ARID5B: variants seen among roughly 807,000 people sequenced by gnomAD.
ARID5B encodes the protein AT-rich interaction domain 5B, also known as AT-rich interactive domain-containing protein 5B.
A neutral mutation model predicts 97.2 loss-of-function variants in ARID5B; 13 were observed. The ratio of observed to expected loss-of-function variants is 0.13; its 90% CI spans 0.09 to 0.21. The LOEUF (loss-of-function observed/expected upper bound fraction) is 0.21. Among genes scored for constraint, ARID5B ranks in the 10% least tolerant of loss-of-function variants. The pLI is 1.00. For missense variants in ARID5B, 1,210 were observed against 1,465.3 expected (o/e 0.83, Z 2.84); for synonymous variants, 556 against 570.3 (o/e 0.97, Z 0.36).
chr10:62,027,782 C>T (rs1217014231), intron 4 of ARID5B, among the ~76,000 whole-genome samples: 1 of 152,070 alleles, frequency 6.6e-6, no homozygotes, highest in African/African-American at 2.4e-5. Flanking sequence ...TCAGTCTGGC[C>T]AATTTCTCCT....
intron 4 of ARID5B, among the ~76,000 whole-genome samples, chr10:62,027,911 G>A (rs1839442924): frequency 6.6e-6 from 1 of 152,114 alleles, no homozygotes; most frequent in Non-Finnish European, 1.5e-5. Context: ...CACTGATCCA[G>A]CTCACCTTGC....
intron 8 of ARID5B, among the ~76,000 whole-genome samples, chr10:62,083,502 C>T (rs959700986): frequency 3.3e-5 from 5 of 152,078 alleles, no homozygotes; most frequent in African/African-American, 7.2e-5. Flanking sequence ...TCTGCTTTCC[C>T]TCCTCCTCCT....
chr10:62,028,956 CAAA>C lies in ARID5B; in HGVS notation c.734-21916_734-21914del, dbSNP rs60831618. ...TGGGCAACAGAGCAAGACTCTGTCT[CAAA>C]AAAAAAAAAAAAAAAGCTCATAGAA... is the stretch of plus-strand genomic sequence containing the variant. On this transcript the variant is annotated intron_variant, in intron 4 of 9. Transcript: ENST00000279873. 6.2e-3 allele frequency among the ~76,000 whole-genome samples: 592 copies of C among 95,388 alleles called. 5 individuals are homozygous for C. The highest frequency in any genetic ancestry group is 0.022 in the African/African-American group (533 of 24,186). The allele number at this position is 95,388 out of a possible 152,430, so 62.6% of individuals were successfully genotyped here.
intron 4 of ARID5B, among the ~76,000 whole-genome samples, chr10:62,018,616 C>T (rs868373963): frequency 4.7e-5 from 7 of 150,420 alleles, no homozygotes; most frequent in Non-Finnish European, 8.9e-5. Context: ...CCTCCCCCGC[C>T]CCCACCACTG....
At chr10:61,971,700 G>C (rs994526303) in intron 3 of ARID5B, among the ~76,000 whole-genome samples, 1 of 152,136 alleles carries the variant, frequency 6.6e-6, no homozygotes, top group Non-Finnish European at 1.5e-5. Context: ...TTTAACAAAG[G>C]TACCACACTA....
At chr10:61,928,141 G>T (rs191935038) in intron 2 of ARID5B, among the ~76,000 whole-genome samples, 2 of 152,196 alleles carry the variant, frequency 1.3e-5, no homozygotes, top group African/African-American at 4.8e-5. Context: ...TCTCTATTCT[G>T]GTAATCACTC....
chr10:61,989,095 A>G (rs982731259), intron 3 of ARID5B, among the ~76,000 whole-genome samples: 3 of 151,684 alleles, frequency 2.0e-5, no homozygotes, highest in Admixed American at 6.6e-5. Context: ...ATGCCTGGCT[A>G]ATTTTTTGTA....
intron 4 of ARID5B, among the ~76,000 whole-genome samples, chr10:62,016,430 T>A (rs1026532944): frequency 2.0e-5 from 3 of 152,232 alleles, no homozygotes; most frequent in Non-Finnish European, 2.9e-5. Context: ...GATTAACAAC[T>A]GTAAAATGCC....
intron 4 of ARID5B, among the ~76,000 whole-genome samples, chr10:62,025,668 A>G (rs766339603): frequency 3.9e-5 from 6 of 152,156 alleles, no homozygotes; most frequent in Non-Finnish European, 7.3e-5. Flanking sequence ...AATACAAATC[A>G]CTCTTGATCA....
In ARID5B at chr10:62,092,391, A is replaced by G. The variant is rs1199657443; in HGVS notation, c.2928A>G (p.Gly976=). The part of the protein sequence containing the change: ...KKYPESLSRS[G]KPHHVRLENF... ...ACCCTGAATCGCTTTCAAGATCAGG[A>G]AAACCTCACCATGTGAGACTGGAGA... The change falls in exon 10 of 10, where the codon GGA becomes GGG. Residue 976 remains glycine, a synonymous_variant. Transcript: ENST00000279873. 1.2e-6 allele frequency: 2 copies of G among 1,614,100 alleles called. No homozygotes were observed. Among genetic ancestry groups the G allele is most frequent in the Non-Finnish European group, 1.7e-6 (2 of 1,180,044 alleles).
At chr10:62,031,675 C>A (rs923793700) in intron 4 of ARID5B, among the ~76,000 whole-genome samples, 3 of 152,036 alleles carry the variant, frequency 2.0e-5, no homozygotes, top group Non-Finnish European at 4.4e-5. Flanking sequence ...TCAGCAAAGA[C>A]CCTAGCAGAA....
At position 61,991,804 on chromosome 10, in the gene ARID5B, C is replaced by T. The variant is rs148851869; in HGVS notation, c.503-8287C>T. ...CAGCACTTTGGGAGGCTGAGGTGGG[C>T]GGATCACCTGAAGTCGGGAGTTCGA... is the stretch of plus-strand genomic sequence containing the variant. On this transcript the variant is annotated intron_variant, in intron 3 of 9. Transcript: ENST00000279873. Among the ~76,000 whole-genome samples, 1,479 of 152,120 alleles carry T rather than the reference C, an allele frequency of 9.7e-3. 32 individuals are homozygous for T. The highest frequency in any genetic ancestry group is 0.034 in the African/African-American group (1,417 of 41,486).
At position 62,000,457 on chromosome 10, in the gene ARID5B, C is replaced by A; in HGVS notation, c.733+136C>A. The A allele has an allele frequency of 1.3e-6, 1 of 759,136 alleles. No individual in the cohort carries two copies. Among genetic ancestry groups the A allele is most frequent in the Admixed American group, 2.8e-5 (1 of 35,856 alleles). 47.0% of individuals were successfully genotyped at this position (759,136 alleles called of 1,614,324 possible). Reference sequence around the variant, plus strand: ...TGTGCTGCCCCACCCCTCCCATCCCCCAAATTATTGCGGCATAAGGCGTCA... The same window carrying A: ...TGTGCTGCCCCACCCCTCCCATCCCACAAATTATTGCGGCATAAGGCGTCA... On this transcript the variant is annotated intron_variant, in intron 4 of 9. Transcript: ENST00000279873. The surrounding 1 kb of genome is among the most constrained non-coding windows in gnomAD (Gnocchi z 4.4).
At chr10:62,063,086 G>C (rs556551311) in intron 7 of ARID5B, among the ~76,000 whole-genome samples, 1 of 152,148 alleles carries the variant, frequency 6.6e-6, no homozygotes, top group Non-Finnish European at 1.5e-5. Flanking sequence ...GCCTTTTGTA[G>C]CATCTTTTAG....
intron 5 of ARID5B, among the ~76,000 whole-genome samples, chr10:62,055,325 A>G (rs1223921301): frequency 5.9e-5 from 9 of 152,190 alleles, no homozygotes; most frequent in Admixed American, 5.9e-4. Flanking sequence ...GTGATGTTGT[A>G]CATGCTGCTC....
intron 3 of ARID5B, among the ~76,000 whole-genome samples, chr10:61,953,686 C>T (rs118071846): frequency 6.6e-6 from 1 of 152,156 alleles, no homozygotes. Context: ...GCCTTAAAAG[C>T]TTTCACTCTG....
chr10:61,929,753 T>C (rs1032126810), intron 2 of ARID5B, among the ~76,000 whole-genome samples: 2 of 152,200 alleles, frequency 1.3e-5, no homozygotes. Context: ...AATACTCATA[T>C]CCTGTAGTCA....
chr10:62,077,813 T>C (rs1174636917), intron 8 of ARID5B, among the ~76,000 whole-genome samples: 1 of 152,192 alleles, frequency 6.6e-6, no homozygotes, highest in Non-Finnish European at 1.5e-5. Flanking sequence ...AACTGTACTC[T>C]CAAGCATGCC....
intron 2 of ARID5B, among the ~76,000 whole-genome samples, chr10:61,915,668 T>A (rs1264260587): frequency 6.6e-6 from 1 of 152,188 alleles, no homozygotes; most frequent in Non-Finnish European, 1.5e-5. Context: ...CATTTGGCTA[T>A]GGAGATGGTT....
Sources: gnomAD v4.1 joint callset for allele counts (sites outside exome capture counted in the v4.1 genomes callset) on GRCh38, gnomAD v4.1.1 for gene constraint, Gnocchi (gnomAD v3.1) non-coding constraint, MANE v1.5 for transcripts, NCBI Gene and HGNC (gene_info 2026-07-23, HGNC 2026-07-21) for gene names.